Variants in KCNIP4 observed in about 807,000 individuals in gnomAD.
KCNIP4 encodes Kv channel-interacting protein 4.
KCNIP4 carries 12 observed loss-of-function variants against 34.0 expected under a neutral mutation model. The observed-to-expected ratio is 0.35, with a 90% confidence interval of 0.23 to 0.57. The LOEUF (loss-of-function observed/expected upper bound fraction) is 0.57, where lower values mean the gene tolerates loss of function less well. Ranked by LOEUF, KCNIP4 falls within the 20% of genes least tolerant of loss-of-function variation. The pLI, the probability that KCNIP4 is intolerant of heterozygous loss-of-function variation, is 0.83. For synonymous variants in KCNIP4, 124 were observed against 102.2 expected (o/e 1.21, Z -1.29); for missense variants, 238 against 311.7 (o/e 0.76, Z 1.78).
intron 1 of KCNIP4, among the ~76,000 whole-genome samples, chr4:21,945,790 T>C (rs928913613): frequency 2.0e-5 from 3 of 151,930 alleles, no homozygotes; most frequent in Non-Finnish European, 2.9e-5. Context: ...TCTGATTTTA[T>C]AGCAGGAGTG....
At chr4:21,414,059 G>A (rs893729003) in intron 1 of KCNIP4, among the ~76,000 whole-genome samples, 1 of 152,094 alleles carries the variant, frequency 6.6e-6, no homozygotes, top group South Asian at 2.1e-4. Context: ...AAAAAATCTT[G>A]GCCTTACATT....
intron 3 of KCNIP4, among the ~76,000 whole-genome samples, chr4:20,802,165 C>CTA (rs370486432): frequency 0.018 from 2,205 of 121,944 alleles, 67 homozygotes; most frequent in African/African-American, 0.038. Flanking sequence ...TATATATATG[C>CTA]TATATATGCT....
At chr4:21,044,800 A>T (rs928637606) in intron 1 of KCNIP4, among the ~76,000 whole-genome samples, 3 of 152,174 alleles carry the variant, frequency 2.0e-5, no homozygotes, top group African/African-American at 7.2e-5. Flanking sequence ...TCAATCTGTG[A>T]ATTTCCATGT....
In KCNIP4 at chr4:21,500,773, C is replaced by T. The variant is rs977632182; in HGVS notation, c.61+447798G>A. Among the ~76,000 whole-genome samples the T allele has an allele frequency of 2.0e-5, 3 of 152,078 alleles. No homozygotes were observed. In the East Asian group the frequency reaches 5.8e-4, roughly 29 times the overall value. ...TTAGACTTAAAATATCACTTGGGAG[C>T]TTGTCAAAGTAAAACCTGTTGAATT... On this transcript the variant is annotated intron_variant, in intron 1 of 8. Coordinates refer to ENST00000382152, the MANE Select transcript of KCNIP4 (RefSeq NM_025221.6).
intron 3 of KCNIP4, among the ~76,000 whole-genome samples, chr4:20,796,869 C>T (rs554179011): frequency 3.3e-5 from 5 of 152,248 alleles, no homozygotes; most frequent in South Asian, 4.1e-4. Context: ...TTATAATATC[C>T]GTGTTCAAAA....
chr4:21,597,301 T>A (rs530490853), intron 1 of KCNIP4, among the ~76,000 whole-genome samples: 1 of 152,260 alleles, frequency 6.6e-6, no homozygotes, highest in South Asian at 2.1e-4. Context: ...TCTGCCGCGA[T>A]GTAAGACGTG....
chr4:21,702,585 G>A (rs147867436), intron 1 of KCNIP4, among the ~76,000 whole-genome samples: 27 of 151,976 alleles, frequency 1.8e-4, no homozygotes, highest in African/African-American at 6.3e-4. Flanking sequence ...TACCTGTTAA[G>A]TAAGTAAATT....
At chr4:20,947,735 CT>C (rs1419616007) in intron 1 of KCNIP4, among the ~76,000 whole-genome samples, 1 of 152,216 alleles carries the variant, frequency 6.6e-6, no homozygotes, top group Admixed American at 6.5e-5. Flanking sequence ...ACAGTCAACA[CT>C]GACGTTGAAA....
At chr4:21,576,308 C>T (rs1240202719) in intron 1 of KCNIP4, among the ~76,000 whole-genome samples, 2 of 152,074 alleles carry the variant, frequency 1.3e-5, no homozygotes, top group Non-Finnish European at 2.9e-5. Context: ...AACCAAGAAG[C>T]ATAAAAGCCC....
intron 1 of KCNIP4, among the ~76,000 whole-genome samples, chr4:21,566,650 T>C (rs1739913373): frequency 6.6e-6 from 1 of 152,112 alleles, no homozygotes; most frequent in African/African-American, 2.4e-5. Flanking sequence ...TAGTTCTTCA[T>C]ATCAATGTGA....
intron 1 of KCNIP4, among the ~76,000 whole-genome samples, chr4:21,694,933 A>AATAAAT (rs1337764031): frequency 5.7e-4 from 35 of 61,528 alleles, no homozygotes; most frequent in African/African-American, 1.4e-3. Flanking sequence ...AAAAAAAATA[A>AATAAAT]AAATAAATAA....
intron 1 of KCNIP4, among the ~76,000 whole-genome samples, chr4:21,481,321 C>T (rs1375639810): frequency 3.9e-5 from 6 of 152,088 alleles, no homozygotes; most frequent in African/African-American, 1.4e-4. Flanking sequence ...GTGAGTCCCT[C>T]ACAACATGAG....
At chr4:20,979,421 T>C (rs1427072170) in intron 1 of KCNIP4, among the ~76,000 whole-genome samples, 14 of 145,900 alleles carry the variant, frequency 9.6e-5, no homozygotes, top group Admixed American at 9.0e-4. Context: ...TTTTTTGAGA[T>C]GGAGTCTCAC....
intron 1 of KCNIP4, among the ~76,000 whole-genome samples, chr4:21,376,577 T>G (rs916623140): frequency 6.6e-6 from 1 of 152,166 alleles, no homozygotes; most frequent in Non-Finnish European, 1.5e-5. Context: ...TTTAAGGAGG[T>G]GTGTTCTAAA....
intron 1 of KCNIP4, among the ~76,000 whole-genome samples, chr4:21,079,744 G>A (rs1344594028): frequency 5.3e-5 from 8 of 151,780 alleles, no homozygotes. Context: ...AATCAGTTCA[G>A]TGTAACCATA....
intron 1 of KCNIP4, among the ~76,000 whole-genome samples, chr4:21,020,298 G>C (rs1739924321): frequency 6.6e-6 from 1 of 152,074 alleles, no homozygotes; most frequent in South Asian, 2.1e-4. Context: ...ATCCTCTAGG[G>C]ATGCTCACGT....
chr4:21,784,064 TG>T (rs1719744336), intron 1 of KCNIP4, among the ~76,000 whole-genome samples: 1 of 138,402 alleles, frequency 7.2e-6, no homozygotes, highest in Non-Finnish European at 1.5e-5. Context: ...TCTGCATGGC[TG>T]GGGAGGCCTC....
intron 1 of KCNIP4, among the ~76,000 whole-genome samples, chr4:21,566,645 C>T (rs541696872): frequency 1.3e-5 from 2 of 152,210 alleles, no homozygotes; most frequent in African/African-American, 4.8e-5. Context: ...TCAGATAGTT[C>T]TTCATATCAA....
At chr4:20,886,949 A>T (rs1725378961) in intron 1 of KCNIP4, among the ~76,000 whole-genome samples, 1 of 152,176 alleles carries the variant, frequency 6.6e-6, no homozygotes, top group Non-Finnish European at 1.5e-5. Context: ...CATAATCAAG[A>T]AAAAAGAGAA....
Sources: allele counts gnomAD v4.1 joint callset (sites outside exome capture counted in the v4.1 genomes callset), GRCh38; gene constraint gnomAD v4.1.1; transcripts MANE v1.5; gene names NCBI Gene and HGNC (gene_info 2026-07-23, HGNC 2026-07-21).